CCDC92B: variants seen among roughly 807,000 people sequenced by gnomAD.
The protein encoded by CCDC92B is coiled-coil domain containing 92B.
CCDC92B carries 2 observed loss-of-function variants against 5.6 expected under a neutral mutation model. The ratio of observed to expected loss-of-function variants is 0.36; its 90% CI spans 0.15 to 1.12. The LOEUF (loss-of-function observed/expected upper bound fraction) is 1.12. CCDC92B is among the 50% of genes most tolerant of loss of function. The pLI is 0.40. For missense variants in CCDC92B, 271 were observed against 262.2 expected, an observed-to-expected ratio of 1.03 and a Z score of -0.23; for synonymous variants, 115 against 122.3, an observed-to-expected ratio of 0.94 and a Z score of 0.39.
rs552342412 is a variant in CCDC92B, at chr17:2,731,498, T to C, written c.131-1005A>G. On this transcript the variant is annotated intron_variant, in intron 2 of 3. Coordinates refer to ENST00000614400, the MANE Select transcript of CCDC92B (RefSeq NM_001355573.2). ...CGGGGAGGAGGTGTGAACCGGGGGT[T>C]GGGGAAGGAAGGCGGCACATCTCTG... Among the ~76,000 whole-genome samples, 36 of 152,142 alleles carry C rather than the reference T, an allele frequency of 2.4e-4. 1 individual carries two copies. Among genetic ancestry groups the C allele is most frequent in the African/African-American group, 7.5e-4 (31 of 41,496 alleles).
intron 2 of CCDC92B, among the ~76,000 whole-genome samples, chr17:2,732,220 C>T (rs1024671511): frequency 1.3e-5 from 2 of 152,170 alleles, no homozygotes; most frequent in African/African-American, 4.8e-5. Flanking sequence ...CCTTAGCCAG[C>T]TCCCTGGGCA....
chr17:2,749,081 G>C lies in CCDC92B; in HGVS notation c.-24+330C>G, dbSNP rs1009050. Among the ~76,000 whole-genome samples, 34 of 151,738 alleles carry C rather than the reference G, an allele frequency of 2.2e-4. 1 individual carries two copies. The East Asian group carries it at 3.5e-3, about 16-fold the overall frequency. On this transcript the variant is annotated intron_variant, in intron 1 of 3. Transcript: ENST00000614400. ...TGACTCCCAGGGAAGGCAGGGGTTGGGGGGGGGATGTGGAGACTAAGGAGG... is the reference window on the plus strand; with the variant it reads ...TGACTCCCAGGGAAGGCAGGGGTTGCGGGGGGGATGTGGAGACTAAGGAGG...
intron 1 of CCDC92B, among the ~76,000 whole-genome samples, chr17:2,741,834 C>T (rs939570052): frequency 1.3e-4 from 19 of 150,926 alleles, no homozygotes; most frequent in East Asian, 4.0e-4. Flanking sequence ...CCTCGTGATC[C>T]GCCTGCCTCA....
chr17:2,739,230 G>A (rs1397228664), intron 1 of CCDC92B, among the ~76,000 whole-genome samples: 16 of 150,510 alleles, frequency 1.1e-4, no homozygotes, highest in Admixed American at 9.2e-4. Flanking sequence ...AGCTGGGTGT[G>A]GTGGCGGGCG....
intron 1 of CCDC92B, among the ~76,000 whole-genome samples, chr17:2,745,477 C>A (rs1176986819): frequency 6.6e-6 from 1 of 152,116 alleles, no homozygotes; most frequent in African/African-American, 2.4e-5. Context: ...GTATTTGCTT[C>A]CAACTAGGCA....
intron 3 of CCDC92B, among the ~76,000 whole-genome samples, chr17:2,728,474 C>T (rs776302489): frequency 2.4e-4 from 37 of 152,014 alleles, no homozygotes; most frequent in East Asian, 5.8e-4. Flanking sequence ...GGCGTGGTGG[C>T]GGGCGCCTGT....
At chr17:2,746,396 C>T (rs1222903518) in intron 1 of CCDC92B, among the ~76,000 whole-genome samples, 1 of 152,208 alleles carries the variant, frequency 6.6e-6, no homozygotes, top group Non-Finnish European at 1.5e-5. Flanking sequence ...ATTCCAAGTA[C>T]TTTTAACATG....
intron 1 of CCDC92B, among the ~76,000 whole-genome samples, chr17:2,742,507 G>A (rs1411557731): frequency 6.6e-6 from 1 of 152,130 alleles, no homozygotes; most frequent in Admixed American, 6.6e-5. Flanking sequence ...AATTCATGAT[G>A]ATAGGGAGGG....
chr17:2,736,564 A>G (rs934923433), intron 1 of CCDC92B, among the ~76,000 whole-genome samples: 1 of 151,554 alleles, frequency 6.6e-6, no homozygotes, highest in African/African-American at 2.4e-5. Context: ...CTGGGTAACA[A>G]AGTGAGATCT....
intron 1 of CCDC92B, among the ~76,000 whole-genome samples, chr17:2,740,834 G>A (rs2070917826): frequency 6.6e-6 from 1 of 151,660 alleles, no homozygotes; most frequent in East Asian, 1.9e-4. Flanking sequence ...AGGCATGGTG[G>A]CATGGGCCTG....
Position 2,722,410 on chromosome 17 carries a change from AG to A in CCDC92B, c.*2000del, listed in dbSNP as rs1018339738. The stretch of plus-strand genomic sequence containing the variant: ...AGTTGGACTGGAGAGCACTGTCCCA[AG>A]GGTGCCCCAACCTCAGCCATCTGCA... On this transcript the variant is annotated 3_prime_UTR_variant, in exon 4 of 4. Coordinates refer to ENST00000614400, the MANE Select transcript of CCDC92B (RefSeq NM_001355573.2). 6.6e-5 allele frequency: 10 copies of A among 152,420 alleles called. No homozygotes were observed. The highest frequency in any genetic ancestry group is 2.4e-4 in the African/African-American group (10 of 41,420). The allele number at this position is 152,420 out of a possible 1,614,324, so 9.4% of individuals were successfully genotyped here. A position where few individuals can be genotyped will look rare whatever the true frequency, so the allele number is the denominator to read the frequency against.
intron 1 of CCDC92B, among the ~76,000 whole-genome samples, chr17:2,738,927 C>T (rs141528400): frequency 0.023 from 3,461 of 151,232 alleles, 177 homozygotes; most frequent in African/African-American, 0.079. Context: ...AAAAATCAGC[C>T]GGGCATGGTG....
At chr17:2,739,814 T>C (rs574233272) in intron 1 of CCDC92B, among the ~76,000 whole-genome samples, 38 of 152,212 alleles carry the variant, frequency 2.5e-4, no homozygotes, top group African/African-American at 8.2e-4. Flanking sequence ...ATTTAATGTC[T>C]GAGTAGGTTA....
intron 1 of CCDC92B, among the ~76,000 whole-genome samples, chr17:2,741,589 G>C (rs1597244968): frequency 7.1e-6 from 1 of 141,668 alleles, no homozygotes; most frequent in African/African-American, 2.5e-5. Flanking sequence ...CGAGGCAGGA[G>C]AATCTCTTTT....
At chr17:2,725,061 G>C (rs1031820475) in intron 3 of CCDC92B, 61 bp from the exon 4 acceptor site, 1 of 985,196 alleles carries the variant, frequency 1.0e-6, no homozygotes, top group South Asian at 4.7e-5. Context: ...GAACCTGCAC[G>C]GCTCAGAGCT....
At chr17:2,740,207 C>G (rs1235409204) in intron 1 of CCDC92B, among the ~76,000 whole-genome samples, 1 of 152,048 alleles carries the variant, frequency 6.6e-6, no homozygotes, top group African/African-American at 2.4e-5. Context: ...TGCAGCTGCT[C>G]TGCTCGAGTG....
chr17:2,745,998 C>A (rs1224420780), intron 1 of CCDC92B, among the ~76,000 whole-genome samples: 2 of 151,802 alleles, frequency 1.3e-5, no homozygotes, highest in South Asian at 4.2e-4. Flanking sequence ...TTTTTCCCCC[C>A]GAGATGGAGT....
intron 1 of CCDC92B, among the ~76,000 whole-genome samples, chr17:2,743,877 T>C (rs1227187685): frequency 6.6e-6 from 1 of 152,118 alleles, no homozygotes; most frequent in East Asian, 1.9e-4. Context: ...TATTTTTATG[T>C]ATTTTTTTTT....
intron 2 of CCDC92B, among the ~76,000 whole-genome samples, chr17:2,731,697 C>T: frequency 6.6e-6 from 1 of 152,188 alleles, no homozygotes; most frequent in Middle Eastern, 3.2e-3. Flanking sequence ...CTGCTGTTAC[C>T]AGAGTCTGAA....
Sources: allele counts gnomAD v4.1 joint callset (sites outside exome capture counted in the v4.1 genomes callset), GRCh38; gene constraint gnomAD v4.1.1; transcripts MANE v1.5; gene names NCBI Gene and HGNC (gene_info 2026-07-23, HGNC 2026-07-21).